The following DACH1 variants were observed in gnomAD, a reference collection of about 807,000 sequenced individuals.
DACH1 encodes dachshund homolog 1.
Under a neutral mutation model 54.2 loss-of-function variants are expected in DACH1, and 12 were observed. The observed-to-expected ratio is 0.22, with a 90% CI of 0.14 to 0.36. The LOEUF (loss-of-function observed/expected upper bound fraction) is 0.36, where lower values mean the gene tolerates loss of function less well. Ranked by LOEUF, DACH1 falls within the 10% of genes least tolerant of loss-of-function variation. The probability of loss-of-function intolerance (pLI) is 1.00; values close to 1 mark genes in which losing one functional copy is unlikely to be tolerated. For missense variants in DACH1, 805 were observed against 929.8 expected (o/e 0.87, Z 1.75); for synonymous variants, 386 against 366.2 (o/e 1.05, Z -0.62).
chr13:71,671,203 T>C (rs191153120), intron 2 of DACH1, among the ~76,000 whole-genome samples: 40 of 151,998 alleles, frequency 2.6e-4, no homozygotes, highest in Admixed American at 7.2e-4. Context: ...TATTGACTAA[T>C]TTTACAGCTA....
rs192094635 is a variant in DACH1 at position 71,611,844 on chromosome 13, T to G, written c.1126+18712A>C. ...AAGCTTTTTTGCCTCCTTTTTATTA[T>G]TATTCATAAAATTCCCAAGATGTGC... On this transcript the variant is annotated intron_variant, in intron 3 of 10. Transcript: ENST00000613252. Among the ~76,000 whole-genome samples the G allele has an allele frequency of 1.9e-3, 291 of 152,268 alleles. 1 individual carries two copies. Among genetic ancestry groups the G allele is most frequent in the South Asian group, 0.012 (60 of 4,828 alleles).
rs1436258796 is a variant in DACH1, at chr13:71,733,769, T to C, written c.849-51859A>G. On this transcript the variant is annotated intron_variant, in intron 1 of 10. Transcript: ENST00000613252. ...ATAATGGTTCACTTGTCATCATAAA[T>C]AATTCATATTATTCTCTTAAAATGA... is the stretch of plus-strand genomic sequence containing the variant. Among the ~76,000 whole-genome samples the C allele has an allele frequency of 1.2e-4, 18 of 152,298 alleles. No homozygotes were observed. The South Asian group carries it at 1.2e-3, about 11-fold the overall frequency.
At chr13:71,623,807 C>G (rs942854658) in intron 3 of DACH1, among the ~76,000 whole-genome samples, 1 of 151,768 alleles carries the variant, frequency 6.6e-6, no homozygotes, top group Non-Finnish European at 1.5e-5. Context: ...GCTAAATCTT[C>G]TGACTTATTT....
At chr13:71,705,744 A>G (rs1330188820) in intron 1 of DACH1, among the ~76,000 whole-genome samples, 5 of 152,098 alleles carry the variant, frequency 3.3e-5, no homozygotes, top group Admixed American at 6.5e-5. Context: ...TCTCTATATG[A>G]AAAGTCTTTC....
At chr13:71,471,264 A>T (rs1332901874) in intron 10 of DACH1, among the ~76,000 whole-genome samples, 1 of 151,874 alleles carries the variant, frequency 6.6e-6, no homozygotes, top group Non-Finnish European at 1.5e-5. Flanking sequence ...ATTGGACTAG[A>T]TGGATTAGGG....
chr13:71,531,391 G>C (rs1188887830), intron 6 of DACH1, among the ~76,000 whole-genome samples: 1 of 151,838 alleles, frequency 6.6e-6, no homozygotes, highest in African/African-American at 2.4e-5. Context: ...ATAAAGAAGA[G>C]ATATTTGTCC....
intron 10 of DACH1, among the ~76,000 whole-genome samples, chr13:71,462,052 A>C (rs556835415): frequency 2.4e-4 from 37 of 152,054 alleles, no homozygotes; most frequent in African/African-American, 8.7e-4. Flanking sequence ...TCCCAGGGAG[A>C]AATAAATAAA....
Position 71,816,622 on chromosome 13 carries a change from G to GTGTGTGTATATATATACACGTA in DACH1, c.848+49299_848+49300insTACGTGTATATATATACACACA, listed in dbSNP as rs1887951498. 1.2e-4 allele frequency among the ~76,000 whole-genome samples: 9 copies of GTGTGTGTATATATATACACGTA among 75,280 alleles called. No homozygotes were observed. In the Admixed American group the frequency reaches 1.3e-3, roughly 11 times the overall value. The allele number at this position is 75,280 out of a possible 152,430, so 49.4% of individuals were successfully genotyped here. ...CATATGTGTGTATATATATACACGT[G>GTGTGTGTATATATATACACGTA]TATATATACACACACATATGTGTGT... On this transcript the variant is annotated intron_variant, in intron 1 of 10. Coordinates refer to ENST00000613252, the MANE Select transcript of DACH1 (RefSeq NM_080759.6).
At chr13:71,546,408 G>A (rs2138344974) in intron 6 of DACH1, among the ~76,000 whole-genome samples, 1 of 151,676 alleles carries the variant, frequency 6.6e-6, no homozygotes, top group Non-Finnish European at 1.5e-5. Flanking sequence ...TTTAATAAAT[G>A]GCTCCTCCTG....
At chr13:71,651,223 A>G (rs535682447) in intron 2 of DACH1, among the ~76,000 whole-genome samples, 16 of 151,906 alleles carry the variant, frequency 1.1e-4, no homozygotes, top group Non-Finnish European at 1.8e-4. Flanking sequence ...GCATGAGGGC[A>G]GGGCACGGTG....
rs139049941 is a variant in DACH1 at position 71,748,842 on chromosome 13, TTC to T, written c.849-66934_849-66933del. Among the ~76,000 whole-genome samples the T allele has an allele frequency of 6.6e-3, 949 of 144,048 alleles. 7 individuals are homozygous for T. The highest frequency in any genetic ancestry group is 0.011 in the Admixed American group (157 of 13,948). 94.5% of individuals were successfully genotyped at this position (144,048 alleles called of 152,430 possible). A position where few individuals can be genotyped will look rare whatever the true frequency, so the allele number is the denominator to read the frequency against. On this transcript the variant is annotated intron_variant, in intron 1 of 10. Coordinates refer to ENST00000613252, the MANE Select transcript of DACH1 (RefSeq NM_080759.6). ...TTACCTGAAATATAAAAAATATTTTTTCTCTTTCTTTCTTTCTTTCTTTCTTT... is the reference window on the plus strand; with the variant it reads ...TTACCTGAAATATAAAAAATATTTTTTCTTTCTTTCTTTCTTTCTTTCTTT...
intron 1 of DACH1, among the ~76,000 whole-genome samples, chr13:71,736,734 A>G (rs2137933762): frequency 6.6e-6 from 1 of 152,304 alleles, no homozygotes; most frequent in African/African-American, 2.4e-5. Flanking sequence ...TTAGAGCAGT[A>G]ATAGTGTGTT....
chr13:71,860,400 C>T (rs1874274372), intron 1 of DACH1, among the ~76,000 whole-genome samples: 1 of 149,604 alleles, frequency 6.7e-6, no homozygotes, highest in South Asian at 2.1e-4. Context: ...ATACCCAAGC[C>T]AATAATATCC....
At chr13:71,737,366 G>C (rs1179873881) in intron 1 of DACH1, among the ~76,000 whole-genome samples, 2 of 152,118 alleles carry the variant, frequency 1.3e-5, no homozygotes, top group Non-Finnish European at 2.9e-5. Context: ...TGGAATTCGA[G>C]ACTTGGGGTA....
chr13:71,552,826 TATATATATATATATATAGAG>T (rs1162097626), intron 6 of DACH1, among the ~76,000 whole-genome samples: 40 of 48,554 alleles, frequency 8.2e-4, no homozygotes, highest in African/African-American at 1.8e-3. Flanking sequence ...TATATATATA[TATATATATATATATATAGAG>T]AGAGAGAGAG....
chr13:71,484,033 C>A (rs900309283), intron 7 of DACH1, among the ~76,000 whole-genome samples: 9 of 152,122 alleles, frequency 5.9e-5, no homozygotes. Context: ...ATAGTTCAGT[C>A]TTATACTTAA....
At chr13:71,458,362 C>T (rs1175525061) in intron 10 of DACH1, among the ~76,000 whole-genome samples, 1 of 151,846 alleles carries the variant, frequency 6.6e-6, no homozygotes, top group Non-Finnish European at 1.5e-5. Flanking sequence ...CATATCTTGA[C>T]TTAAATAAAT....
At chr13:71,837,465 C>T (rs1032163448) in intron 1 of DACH1, among the ~76,000 whole-genome samples, 16 of 151,998 alleles carry the variant, frequency 1.1e-4, no homozygotes, top group African/African-American at 3.9e-4. Context: ...GAGCTGGAAA[C>T]TTGGGTAACT....
intron 1 of DACH1, among the ~76,000 whole-genome samples, chr13:71,781,170 G>A (rs1277357144): frequency 6.6e-6 from 1 of 151,600 alleles, no homozygotes; most frequent in South Asian, 2.1e-4. Flanking sequence ...CTTCCCTTTG[G>A]TTCATTAGGT....
Sources: allele counts gnomAD v4.1 joint callset (sites outside exome capture counted in the v4.1 genomes callset), GRCh38; gene constraint gnomAD v4.1.1; transcripts MANE v1.5; gene names NCBI Gene and HGNC (gene_info 2026-07-23, HGNC 2026-07-21).